The following UTRN variants were observed in gnomAD, a reference collection of about 807,000 sequenced individuals.
UTRN encodes utrophin.
In UTRN, 283 loss-of-function variants were observed where a neutral mutation model predicts 463.9. That is an observed-to-expected ratio of 0.61 (90% confidence interval 0.55 to 0.67). The LOEUF (loss-of-function observed/expected upper bound fraction) is 0.67, where lower values mean the gene tolerates loss of function less well. Among genes scored for constraint, UTRN ranks in the 30% least tolerant of loss-of-function variants. UTRN has a pLI of 0.00. For synonymous variants in UTRN, 1,442 were observed against 1,431.5 expected (o/e 1.01, Z -0.17); for missense variants, 3,922 against 4,084.3 (o/e 0.96, Z 1.08).
chr6:144,574,837 C>T (rs566408079), intron 50 of UTRN, among the ~76,000 whole-genome samples: 1 of 152,270 alleles, frequency 6.6e-6, no homozygotes, highest in East Asian at 1.9e-4. Context: ...CTGCCTTGGC[C>T]TCCCAAAGTG....
chr6:144,318,808 T>C (rs576097098), intron 2 of UTRN, among the ~76,000 whole-genome samples: 1 of 152,138 alleles, frequency 6.6e-6, no homozygotes, highest in South Asian at 2.1e-4. Flanking sequence ...TGTTGGCTCA[T>C]ACCTGTAATC....
intron 64 of UTRN, among the ~76,000 whole-genome samples, chr6:144,798,193 A>T (rs151006105): frequency 1.3e-5 from 2 of 152,256 alleles, no homozygotes; most frequent in African/African-American, 4.8e-5. Context: ...TGTTGCTATT[A>T]TTATTGTCAT....
intron 53 of UTRN, among the ~76,000 whole-genome samples, chr6:144,719,963 G>T (rs375893051): frequency 9.8e-5 from 15 of 152,342 alleles, no homozygotes; most frequent in African/African-American, 3.6e-4. Flanking sequence ...TTTAAAGAAG[G>T]GGGGTGACCC....
chr6:144,606,556 T>C (rs1804869684), intron 51 of UTRN, among the ~76,000 whole-genome samples: 1 of 152,214 alleles, frequency 6.6e-6, no homozygotes, highest in African/African-American at 2.4e-5. Flanking sequence ...ATATTAAAAA[T>C]GTTTCTCAGA....
intron 57 of UTRN, among the ~76,000 whole-genome samples, chr6:144,756,358 G>A (rs574827738): frequency 6.6e-6 from 1 of 152,196 alleles, no homozygotes; most frequent in South Asian, 2.1e-4. Context: ...ATATTCTTTT[G>A]GAAGTGAAAT....
chr6:144,688,211 A>G (rs541000956), intron 52 of UTRN, among the ~76,000 whole-genome samples: 169 of 152,116 alleles, frequency 1.1e-3, no homozygotes, highest in Non-Finnish European at 2.1e-3. Context: ...TATGTATTCC[A>G]TTTCCAGAAG....
Position 144,599,048 on chromosome 6 carries a change from C to T in UTRN, c.7479+21760C>T, listed in dbSNP as rs80219794. ...TTAATTGCTCTTGATTAACCTCCCTCGTCTTTAAATTAAATCAAAATTAGC... is the reference window on the plus strand; with the variant it reads ...TTAATTGCTCTTGATTAACCTCCCTTGTCTTTAAATTAAATCAAAATTAGC... On this transcript the variant is annotated intron_variant, in intron 51 of 74. Coordinates refer to ENST00000367545, the MANE Select transcript of UTRN (RefSeq NM_007124.3). Among the ~76,000 whole-genome samples, 795 of 152,290 alleles carry T rather than the reference C, an allele frequency of 5.2e-3. 4 individuals are homozygous for T. Among genetic ancestry groups the T allele is most frequent in the Middle Eastern group, 0.014 (4 of 294 alleles).
chr6:144,666,357 T>C (rs185847113), intron 51 of UTRN, among the ~76,000 whole-genome samples: 116 of 152,342 alleles, frequency 7.6e-4, no homozygotes, highest in African/African-American at 2.5e-3. Context: ...ACTTTTCAAG[T>C]GAAGAAATTG....
intron 52 of UTRN, among the ~76,000 whole-genome samples, chr6:144,690,070 TTC>T (rs1307082696): frequency 9.3e-6 from 1 of 107,806 alleles, no homozygotes; most frequent in Non-Finnish European, 1.7e-5. Flanking sequence ...TCCCAAAAGT[TTC>T]TGTTTTTTTT....
intron 2 of UTRN, among the ~76,000 whole-genome samples, chr6:144,314,924 A>C (rs1161138390): frequency 6.6e-6 from 1 of 151,146 alleles, no homozygotes; most frequent in East Asian, 1.9e-4. Context: ...AAAAATACCT[A>C]TGTATATATA....
At chr6:144,680,272 A>C (rs1044852685) in intron 52 of UTRN, among the ~76,000 whole-genome samples, 3 of 152,308 alleles carry the variant, frequency 2.0e-5, no homozygotes, top group East Asian at 1.9e-4. Context: ...CTAAGTAAAA[A>C]GTTACAGACA....
Position 144,557,276 on chromosome 6 carries a change from G to A in UTRN, c.7254G>A (p.Glu2418=). ...CAAGGAATGTGAAAGAAACCACAGAGTACTTAAAAACATCATGGATCAATC... is the reference window on the plus strand; with the variant it reads ...CAAGGAATGTGAAAGAAACCACAGAATACTTAAAAACATCATGGATCAATC... ...DDTRNVKETT[E]YLKTSWINLK... The change falls in exon 50 of 75, where the codon GAG becomes GAA. Residue 2418 remains glutamate, a synonymous_variant. Coordinates refer to ENST00000367545, the MANE Select transcript of UTRN (RefSeq NM_007124.3). The A allele has an allele frequency of 1.9e-6, 3 of 1,613,756 alleles. No homozygotes were observed. The highest frequency in any genetic ancestry group is 2.5e-6 in the Non-Finnish European group (3 of 1,179,796).
chr6:144,515,661 C>A (rs909935051), intron 37 of UTRN, among the ~76,000 whole-genome samples: 1 of 152,148 alleles, frequency 6.6e-6, no homozygotes, highest in Non-Finnish European at 1.5e-5. Context: ...TAGCCAACCC[C>A]AGATGGTATT....
At chr6:144,338,806 A>G (rs1365327361) in intron 2 of UTRN, among the ~76,000 whole-genome samples, 1 of 152,200 alleles carries the variant, frequency 6.6e-6, no homozygotes, top group Non-Finnish European at 1.5e-5. Context: ...TAGCTACACT[A>G]TTGAAGAAGA....
At chr6:144,840,030 A>G (rs1347790903) in intron 72 of UTRN, among the ~76,000 whole-genome samples, 1 of 152,120 alleles carries the variant, frequency 6.6e-6, no homozygotes, top group Non-Finnish European at 1.5e-5. Flanking sequence ...TCTACTAAAA[A>G]TACAAAAATT....
At chr6:144,841,299 A>T (rs1009317767) in intron 73 of UTRN, among the ~76,000 whole-genome samples, 4 of 152,134 alleles carry the variant, frequency 2.6e-5, no homozygotes, top group Non-Finnish European at 5.9e-5. Flanking sequence ...TTGTTTTCAG[A>T]TTTTCCCTTT....
intron 24 of UTRN, 57 bp downstream of exon 24, chr6:144,473,890 G>A (rs1177959752): frequency 2.5e-6 from 3 of 1,220,038 alleles, no homozygotes; most frequent in East Asian, 2.4e-5. Flanking sequence ...CTTTTTCTAT[G>A]TTATTTGCTG....
chr6:144,419,579 G>T (rs899933122), intron 3 of UTRN, among the ~76,000 whole-genome samples: 2 of 152,096 alleles, frequency 1.3e-5, no homozygotes, highest in Non-Finnish European at 2.9e-5. Context: ...TGGGCAATGG[G>T]GTCATTCGAG....
intron 51 of UTRN, among the ~76,000 whole-genome samples, 172 bp from the exon 52 acceptor site, chr6:144,678,234 T>C (rs987679258): frequency 9.9e-5 from 15 of 152,122 alleles, no homozygotes; most frequent in African/African-American, 3.1e-4. Flanking sequence ...AAGCTGGAGG[T>C]ACTGAAGATT....
Sources: allele counts gnomAD v4.1 joint callset (sites outside exome capture counted in the v4.1 genomes callset), GRCh38; gene constraint gnomAD v4.1.1; transcripts MANE v1.5; gene names NCBI Gene and HGNC (gene_info 2026-07-23, HGNC 2026-07-21).